Variants in WDR89 observed in about 807,000 individuals in gnomAD.
The protein encoded by WDR89 is WD repeat domain 89, also known as WD repeat-containing protein 89.
In WDR89, 17 loss-of-function variants were observed where a neutral mutation model predicts 29.1. The observed-to-expected ratio is 0.58, with a 90% CI of 0.40 to 0.88. The LOEUF is 0.88. Among genes scored for constraint, WDR89 ranks in the 40% least tolerant of loss-of-function variants. The probability of loss-of-function intolerance (pLI) is 0.00; values close to 1 mark genes in which losing one functional copy is unlikely to be tolerated. For missense variants in WDR89, 396 were observed against 456.3 expected, an observed-to-expected ratio of 0.87 and a Z score of 1.20; for synonymous variants, 138 against 157.8, an observed-to-expected ratio of 0.87 and a Z score of 0.94.
chr14:63,607,508 G>A (rs570795307), intron 2 of WDR89, among the ~76,000 whole-genome samples: 5 of 152,182 alleles, frequency 3.3e-5, no homozygotes, highest in East Asian at 1.9e-4. Flanking sequence ...CCCCACATGC[G>A]CATTATCCAG....
At chr14:63,601,520 AG>A in intron 2 of WDR89, 1 of 1,495,120 alleles carries the variant, frequency 6.7e-7, no homozygotes, top group Non-Finnish European at 9.3e-7. Context: ...TGGCAGGACA[AG>A]CGTTTAAGTT....
At chr14:63,638,009 G>A (rs567545071) in intron 1 of WDR89, among the ~76,000 whole-genome samples, 11 of 151,788 alleles carry the variant, frequency 7.2e-5, no homozygotes, top group South Asian at 2.1e-4. Flanking sequence ...GCAGTGGCAC[G>A]ATCTTGGCTC....
At chr14:63,617,206 G>A (rs1882375766) in intron 2 of WDR89, among the ~76,000 whole-genome samples, 1 of 150,672 alleles carries the variant, frequency 6.6e-6, no homozygotes, top group East Asian at 2.0e-4. Flanking sequence ...AGCCTCCCAA[G>A]GAGCTCGGAT....
intron 1 of WDR89, among the ~76,000 whole-genome samples, chr14:63,627,406 A>C (rs976251175): frequency 2.0e-5 from 3 of 152,180 alleles, no homozygotes; most frequent in African/African-American, 7.2e-5. Flanking sequence ...TTGCCACATA[A>C]AACAACATTA....
chr14:63,630,548 C>T (rs1247202468), intron 1 of WDR89: 2 of 151,456 alleles, frequency 1.3e-5, no homozygotes, highest in African/African-American at 4.9e-5. Context: ...GACGCTGAGG[C>T]AGGAGAATTG....
In WDR89 at chr14:63,634,501, G is replaced by A. The variant is rs530564597; in HGVS notation, c.-138+7303C>T. ...CGTGCCACTGCACTCCAGCCTGGGC[G>A]ACAGAGCGAGACTCCCTCTCAAAAA... is the stretch of plus-strand genomic sequence containing the variant. On this transcript the variant is annotated intron_variant, in intron 1 of 2. Transcript: ENST00000620954. 1.9e-4 allele frequency among the ~76,000 whole-genome samples: 29 copies of A among 149,052 alleles called. No homozygotes were observed. In the South Asian group the frequency reaches 3.4e-3, roughly 17 times the overall value.
intron 2 of WDR89, among the ~76,000 whole-genome samples, chr14:63,623,321 A>C (rs1014422964): frequency 6.6e-6 from 1 of 152,048 alleles, no homozygotes; most frequent in East Asian, 1.9e-4. Context: ...AAAGTACCCA[A>C]TCAAAAAGAA....
intron 1 of WDR89, among the ~76,000 whole-genome samples, chr14:63,626,605 G>C (rs561416089): frequency 1.4e-5 from 2 of 147,534 alleles, no homozygotes; most frequent in African/African-American, 5.0e-5. Flanking sequence ...CTTGAGCCCG[G>C]GAGGCAGAGG....
chr14:63,620,384 C>A (rs1161949235), intron 2 of WDR89, among the ~76,000 whole-genome samples: 1 of 152,014 alleles, frequency 6.6e-6, no homozygotes, highest in Non-Finnish European at 1.5e-5. Context: ...TATATACAAA[C>A]GTACATATCT....
chr14:63,609,343 T>G (rs1881802772), intron 2 of WDR89, among the ~76,000 whole-genome samples: 1 of 152,210 alleles, frequency 6.6e-6, no homozygotes, highest in African/African-American at 2.4e-5. Flanking sequence ...TTTAGTTACT[T>G]TTATATTAAC....
At position 63,599,539 on chromosome 14, in the gene WDR89, T is replaced by C. The variant is rs1268201266; in HGVS notation, c.404A>G (p.Glu135Gly). 6.2e-7 allele frequency: 1 copy of C among 1,614,066 alleles called. No homozygotes were observed. The highest frequency in any genetic ancestry group is 8.5e-7 in the Non-Finnish European group (1 of 1,180,040). Residue 135 changes from glutamate to glycine, a missense_variant, in exon 3 of 3, where the codon GAA (glutamate) becomes GGA (glycine). Physicochemically the swap from Glu to Gly is moderately conservative, Grantham distance 98. Coordinates refer to ENST00000620954, the MANE Select transcript of WDR89 (RefSeq NM_080666.4). ...CAACAATGCATCATCATCAACTTTT[T>C]CTGTACCAGCACAAATAATATGATC... Reference protein sequence around the residue: ...CNDHIICAGTEKVDDDALLVF... With the variant: ...CNDHIICAGTGKVDDDALLVF...
intron 2 of WDR89, among the ~76,000 whole-genome samples, chr14:63,614,881 T>C (rs1882209999): frequency 6.6e-6 from 1 of 152,240 alleles, no homozygotes; most frequent in Non-Finnish European, 1.5e-5. Flanking sequence ...ACAATGTCTC[T>C]GTAAATTAAT....
At chr14:63,625,528 G>T (rs972337660) in intron 1 of WDR89, among the ~76,000 whole-genome samples, 2 of 152,078 alleles carry the variant, frequency 1.3e-5, no homozygotes, top group Admixed American at 1.3e-4. Context: ...CATGCCCAAA[G>T]GCAAACAAAA....
chr14:63,612,254 A>G (rs952344706), intron 2 of WDR89, among the ~76,000 whole-genome samples: 4 of 152,146 alleles, frequency 2.6e-5, no homozygotes, highest in African/African-American at 9.7e-5. Flanking sequence ...CAGCAGAGCC[A>G]ACAGAATCTC....
intron 2 of WDR89, among the ~76,000 whole-genome samples, chr14:63,609,162 T>C (rs560450547): frequency 3.4e-4 from 50 of 148,700 alleles, no homozygotes; most frequent in African/African-American, 1.2e-3. Context: ...AGGACAGAGG[T>C]GATAGAAACA....
chr14:63,601,522 C>A, intron 2 of WDR89: 2 of 1,499,974 alleles, frequency 1.3e-6, no homozygotes, highest in Non-Finnish European at 1.9e-6. Context: ...GCAGGACAAG[C>A]GTTTAAGTTT....
intron 1 of WDR89, among the ~76,000 whole-genome samples, chr14:63,632,266 C>T (rs1245719443): frequency 6.6e-6 from 1 of 152,040 alleles, no homozygotes; most frequent in Admixed American, 6.6e-5. Context: ...CATTTGTATA[C>T]ATCAGTCTAC....
At chr14:63,613,754 C>T (rs1297058980) in intron 2 of WDR89, among the ~76,000 whole-genome samples, 1 of 151,652 alleles carries the variant, frequency 6.6e-6, no homozygotes, top group Admixed American at 6.6e-5. Flanking sequence ...CCCACCTTGG[C>T]CTCCCAAAGT....
chr14:63,625,376 A>C (rs1281056721), intron 1 of WDR89, among the ~76,000 whole-genome samples: 1 of 151,182 alleles, frequency 6.6e-6, no homozygotes, highest in African/African-American at 2.5e-5. Flanking sequence ...TGCTGGTTAC[A>C]CAACTGTGTA....
Sources: gnomAD v4.1 joint callset for allele counts (sites outside exome capture counted in the v4.1 genomes callset) on GRCh38, gnomAD v4.1.1 for gene constraint, MANE v1.5 for transcripts, NCBI Gene and HGNC (gene_info 2026-07-23, HGNC 2026-07-21) for gene names.